Variants in ULK1 observed in about 807,000 individuals in gnomAD.
The protein encoded by ULK1 is serine/threonine-protein kinase ULK1.
In ULK1, 48 loss-of-function variants were observed where a neutral mutation model predicts 117.5. That is an observed-to-expected ratio of 0.41 (90% CI 0.32 to 0.52). ULK1 has a LOEUF of 0.52. Among genes scored for constraint, ULK1 ranks in the 20% least tolerant of loss-of-function variants. The pLI, the probability that ULK1 is intolerant of heterozygous loss-of-function variation, is 0.29. For synonymous variants in ULK1, 790 were observed against 637.8 expected, an observed-to-expected ratio of 1.24 and a Z score of -3.60; for missense variants, 1,387 against 1,473.4, an observed-to-expected ratio of 0.94 and a Z score of 0.96.
Position 131,916,381 on chromosome 12 carries a change from C to A in ULK1, c.1879-17C>A. 6.4e-7 allele frequency: 1 copy of A among 1,550,856 alleles called. No homozygotes were observed. The highest frequency in any genetic ancestry group is 1.2e-5 in the South Asian group (1 of 82,910). ...CAGACCTGCGGGGCAGTCTTCACCC[C>A]ATCTCTGTCCTCCTAGGCTGTGCCC... On this transcript the variant is annotated splice_polypyrimidine_tract_variant and intron_variant, in intron 19 of 27. Transcript: ENST00000321867.
chr12:131,918,508 G>A lies in ULK1; in HGVS notation c.2338G>A (p.Gly780Ser), dbSNP rs139013194. 4.3e-6 allele frequency: 7 copies of A among 1,609,906 alleles called. No homozygotes were observed. The highest frequency in any genetic ancestry group is 5.9e-6 in the Non-Finnish European group (7 of 1,178,786). The change falls in exon 23 of 28, where the codon GGC becomes AGC. Residue 780 changes from glycine (G) to serine (S), a missense_variant. By Grantham distance (56) the Gly-to-Ser change is moderately conservative (BLOSUM62 0). Transcript: ENST00000321867. ...RTRMFSAGPT[G>S]SASSSARHLV... Reference sequence around the variant, plus strand: ...CCCTCTCCCTGCAGCGGGCCCCACTGGCTCTGCCAGCTCTTCTGCCCGCCA... The same window carrying A: ...CCCTCTCCCTGCAGCGGGCCCCACTAGCTCTGCCAGCTCTTCTGCCCGCCA...
At position 131,921,337 on chromosome 12, in the gene ULK1, G is replaced by A. The variant is rs117577371; in HGVS notation, c.3129G>A (p.Ala1043=). The change falls in exon 28 of 28, where the codon GCG becomes GCA. Residue 1043 remains alanine, a synonymous_variant. Coordinates refer to ENST00000321867, the MANE Select transcript of ULK1 (RefSeq NM_003565.4). ...CKLCIERRLS[A]LLTGICA is the part of the protein sequence containing the mutation. Reference sequence around the variant, plus strand: ...TGTGCATTGAGCGGAGACTCTCGGCGCTGCTGACTGGCATCTGTGCCTGAC... The same window carrying A: ...TGTGCATTGAGCGGAGACTCTCGGCACTGCTGACTGGCATCTGTGCCTGAC... 1.8e-4 allele frequency: 287 copies of A among 1,605,442 alleles called. No homozygotes were observed. In the East Asian group the frequency reaches 5.3e-3, roughly 29 times the overall value.
intron 2 of ULK1, 34 bp from the exon 3 acceptor site, chr12:131,895,749 C>T (rs772488053): frequency 1.2e-6 from 2 of 1,614,012 alleles, no homozygotes; most frequent in Admixed American, 1.7e-5. Flanking sequence ...GCCCCCCTCC[C>T]CACACTGATA....
rs770959601 is a variant in ULK1 at position 131,916,006 on chromosome 12, G to A, written c.1725G>A (p.Thr575=). 61 of 1,592,322 alleles carry A rather than the reference G, an allele frequency of 3.8e-5. 2 individuals carry two copies. The South Asian group carries it at 5.7e-4, about 15-fold the overall frequency. Residue 575 remains threonine, a synonymous_variant, in exon 19 of 28, where the codon ACG becomes ACA. Coordinates refer to ENST00000321867, the MANE Select transcript of ULK1 (RefSeq NM_003565.4). ...VVRPKLPKPP[T]DPLGAVFSPP... ...GCCCCAAGCTGCCCAAACCCCCCAC[G>A]GACCCCCTGGGAGCTGTGTTCAGCC...
At chr12:131,919,432 A>G (rs1331855125) in intron 24 of ULK1, 40 bp from the exon 25 acceptor site, 6 of 1,590,252 alleles carry the variant, frequency 3.8e-6, no homozygotes, top group Admixed American at 1.7e-5. Flanking sequence ...CCTGGGGGCC[A>G]GGACCAACCG....
In ULK1 at chr12:131,922,428, G is replaced by T; in HGVS notation, c.*1067G>T. 5.1e-6 allele frequency: 1 copy of T among 196,038 alleles called. No homozygotes were observed. The highest frequency in any genetic ancestry group is 1.5e-4 in the East Asian group (1 of 6,670). The allele number at this position is 196,038 out of a possible 1,614,324, so 12.1% of individuals were successfully genotyped here. A position where few individuals can be genotyped will look rare whatever the true frequency, so the allele number is the denominator to read the frequency against. ...TCATGCAAAGAAAAAAGTAACATGTGCAAAAGCTCCCCGTCCAGCTTTGAC... is the reference window on the plus strand; with the variant it reads ...TCATGCAAAGAAAAAAGTAACATGTTCAAAAGCTCCCCGTCCAGCTTTGAC... On this transcript the variant is annotated 3_prime_UTR_variant, in exon 28 of 28. Transcript: ENST00000321867.
intron 19 of ULK1, 66 bp downstream of exon 19, chr12:131,916,225 C>T: frequency 1.9e-6 from 3 of 1,570,572 alleles, no homozygotes; most frequent in Non-Finnish European, 2.6e-6. Context: ...AATGGCCAGT[C>T]CTGAACAAAG....
chr12:131,915,483 C>T (rs79589607), intron 18 of ULK1, 62 bp downstream of exon 18: 4 of 1,571,642 alleles, frequency 2.5e-6, no homozygotes, highest in Non-Finnish European at 3.5e-6. Context: ...ACGTTGTCAT[C>T]CTGGTCTAAA....
In ULK1 at chr12:131,919,322, T is replaced by C. The variant is rs528286619; in HGVS notation, c.2622T>C (p.Pro874=). The change falls in exon 24 of 28, where the codon CCT becomes CCC. Residue 874 remains proline (P), a synonymous_variant. Transcript: ENST00000321867. ...GCGCCAGTGAGGCGGCGGGGGGCCC[T>C]GAGTACCAGCTGCAGGAGAGTGTGG... ...KGSASEAAGG[P]EYQLQESVVA... The C allele has an allele frequency of 1.2e-5, 19 of 1,582,412 alleles. No homozygotes were observed. In the South Asian group the frequency reaches 1.9e-4, roughly 16 times the overall value.
Position 131,903,166 on chromosome 12 carries a change from G to A in ULK1, c.247-3726G>A, listed in dbSNP as rs1889151302. ...GGGGCCCCCGTCGGGGGGTGTTGTG[G>A]CGCAGGGCCTGGGCCTGCAGCTGCC... is the stretch of plus-strand genomic sequence containing the variant. On this transcript the variant is annotated intron_variant, in intron 3 of 27. Transcript: ENST00000321867. This position sits in a 1 kb window ranked among gnomAD's most constrained non-coding sequence, Gnocchi z 6.0. Among the ~76,000 whole-genome samples the A allele has an allele frequency of 6.6e-6, 1 of 152,270 alleles. No homozygotes were observed. The highest frequency in any genetic ancestry group is 1.5e-5 in the Non-Finnish European group (1 of 68,004).
At position 131,913,753 on chromosome 12, in the gene ULK1, A is replaced by C. The variant is rs1340856995; in HGVS notation, c.1164A>C (p.Ser388=). ...PPDSLMCSGS[S]LVASAGLESH... ...CCTCCCTTCTGCCCCACAGGAGCTCACTGGTGGCCTCTGCGGGCTTGGAGA... is the reference window on the plus strand; with the variant it reads ...CCTCCCTTCTGCCCCACAGGAGCTCCCTGGTGGCCTCTGCGGGCTTGGAGA... The change falls in exon 15 of 28, where the codon TCA becomes TCC. Residue 388 remains serine, a synonymous_variant. Coordinates refer to ENST00000321867, the MANE Select transcript of ULK1 (RefSeq NM_003565.4). 2 of 1,534,334 alleles carry C rather than the reference A, an allele frequency of 1.3e-6. No individual in the cohort carries two copies. The highest frequency in any genetic ancestry group is 1.8e-6 in the Non-Finnish European group (2 of 1,141,766).
At chr12:131,914,591 G>A in intron 16 of ULK1, 114 bp downstream of exon 16, 1 of 1,378,056 alleles carries the variant, frequency 7.3e-7, no homozygotes, top group Non-Finnish European at 9.7e-7. Context: ...TGTGCAGGCT[G>A]CGCACTGCGT....
At chr12:131,916,201 G>A (rs1458589665) in intron 19 of ULK1, 42 bp downstream of exon 19, 1 of 1,589,058 alleles carries the variant, frequency 6.3e-7, no homozygotes, top group Non-Finnish European at 8.6e-7. Context: ...AGAGCCCTGG[G>A]GAAGATGTGT....
chr12:131,900,098 CAG>C (rs1261706844), intron 3 of ULK1, among the ~76,000 whole-genome samples: 3 of 118,370 alleles, frequency 2.5e-5, no homozygotes, highest in Admixed American at 1.1e-4. Flanking sequence ...GCCTGGGCGA[CAG>C]AGTGAAACTC....
intron 5 of ULK1, among the ~76,000 whole-genome samples, chr12:131,908,217 G>C (rs1889357047): frequency 1.3e-5 from 2 of 152,272 alleles, no homozygotes; most frequent in Non-Finnish European, 2.9e-5. Flanking sequence ...CACGCGAGGA[G>C]GACCCCACGG....
At position 131,922,115 on chromosome 12, in the gene ULK1, C is replaced by A; in HGVS notation, c.*754C>A. The A allele has an allele frequency of 2.4e-6, 1 of 421,676 alleles. No individual in the cohort carries two copies. The highest frequency in any genetic ancestry group is 4.8e-6 in the Non-Finnish European group (1 of 209,206). 26.1% of individuals were successfully genotyped at this position (421,676 alleles called of 1,614,324 possible). A position where few individuals can be genotyped will look rare whatever the true frequency, so the allele number is the denominator to read the frequency against. On this transcript the variant is annotated 3_prime_UTR_variant, in exon 28 of 28. Transcript: ENST00000321867. ...CACCGTGTTCTCTCAGCCCTGGATA[C>A]GTCTTGTAATCTTTCACACTTTATT...
chr12:131,904,183 G>A (rs916613375), intron 3 of ULK1, among the ~76,000 whole-genome samples: 5 of 152,106 alleles, frequency 3.3e-5, no homozygotes, highest in Non-Finnish European at 4.4e-5. Context: ...GTGTCATTCC[G>A]TCACCCATCC....
chr12:131,919,748 CATTGGG>C lies in ULK1; in HGVS notation c.2803+159_2803+164del, dbSNP rs1384961333. On this transcript the variant is annotated intron_variant, in intron 25 of 27. Coordinates refer to ENST00000321867, the MANE Select transcript of ULK1 (RefSeq NM_003565.4). ...GGCCCAGTGTGCAGAGCACAGAGGC[CATTGGG>C]TCGGACAGCACCCTGGAGCCCAGTA... The C allele has an allele frequency of 4.8e-6, 5 of 1,050,598 alleles. No homozygotes were observed. The African/African-American group carries it at 7.9e-5, about 17-fold the overall frequency. 65.1% of individuals were successfully genotyped at this position (1,050,598 alleles called of 1,614,324 possible).
chr12:131,918,872 GGTGTCGGGT>G (rs1273842268), intron 23 of ULK1, among the ~76,000 whole-genome samples, 191 bp downstream of exon 23: 3 of 35,260 alleles, frequency 8.5e-5, no homozygotes, highest in African/African-American at 1.4e-4. Context: ...GGGTGTGTGG[GGTGTCGGGT>G]GTGTGGGGTG....
Sources: gnomAD v4.1 joint callset for allele counts (sites outside exome capture counted in the v4.1 genomes callset) on GRCh38, gnomAD v4.1.1 for gene constraint, Gnocchi (gnomAD v3.1) non-coding constraint, MANE v1.5 for transcripts, NCBI Gene and HGNC (gene_info 2026-07-23, HGNC 2026-07-21) for gene names.